The following ATAD3C variants were observed in gnomAD, a reference collection of about 807,000 sequenced individuals.
ATAD3C encodes ATPase family AAA domain-containing protein 3C.
In ATAD3C, 38 loss-of-function variants were observed where a neutral mutation model predicts 46.3. The observed-to-expected ratio is 0.82, with a 90% CI of 0.63 to 1.08. ATAD3C has a LOEUF of 1.08. ATAD3C is among the 50% of genes least tolerant of loss of function. The pLI, the probability that ATAD3C is intolerant of heterozygous loss-of-function variation, is 0.00. For synonymous variants in ATAD3C, 220 were observed against 236.4 expected, an observed-to-expected ratio of 0.93 and a Z score of 0.63; for missense variants, 563 against 572.7, an observed-to-expected ratio of 0.98 and a Z score of 0.17.
At chr1:1,464,126 G>C (rs145367788) in intron 11 of ATAD3C, among the ~76,000 whole-genome samples, 4,075 of 150,790 alleles carry the variant, frequency 0.027, 210 homozygotes, top group African/African-American at 0.094. Flanking sequence ...AGAATCGCTT[G>C]AACCCAGGAG....
chr1:1,462,496 G>T lies in ATAD3C; in HGVS notation c.981-104G>T. 2 of 1,179,260 alleles carry T rather than the reference G, an allele frequency of 1.7e-6. No homozygotes were observed. The highest frequency in any genetic ancestry group is 2.5e-6 in the Non-Finnish European group (2 of 815,864). The allele number at this position is 1,179,260 out of a possible 1,614,324, so 73.0% of individuals were successfully genotyped here. A position where few individuals can be genotyped will look rare whatever the true frequency, so the allele number is the denominator to read the frequency against. ...CACAGGTAGAGAGTCCCTCTCAAGG[G>T]GGCATCTGGCATGGGTGTCCGCCTG... On this transcript the variant is annotated intron_variant, in intron 10 of 11. Transcript: ENST00000378785. This position sits in a 1 kb window ranked among gnomAD's most constrained non-coding sequence, Gnocchi z 4.5.
chr1:1,454,223 C>G, intron 3 of ATAD3C, 122 bp from the exon 4 acceptor site: 1 of 1,428,634 alleles, frequency 7.0e-7, no homozygotes, highest in Non-Finnish European at 9.2e-7. Context: ...CCTGTGGGGC[C>G]AGCACACGGC....
At chr1:1,457,670 GTTT>G (rs2100481060) in intron 8 of ATAD3C, among the ~76,000 whole-genome samples, 1 of 150,302 alleles carries the variant, frequency 6.7e-6, no homozygotes, top group South Asian at 2.1e-4. Context: ...GCTTTTGAGT[GTTT>G]TTTGTTTTGT....
chr1:1,458,966 C>A (rs1001164978), intron 8 of ATAD3C, among the ~76,000 whole-genome samples, 195 bp from the exon 9 acceptor site: 14 of 151,828 alleles, frequency 9.2e-5, no homozygotes, highest in Admixed American at 1.3e-4. Context: ...TGTGATCTGC[C>A]TGCCTCAGCC....
Position 1,452,071 on chromosome 1 carries a change from A to G in ATAD3C, c.101A>G (p.Lys34Arg), listed in dbSNP as rs911023312. The G allele has an allele frequency of 2.5e-6, 4 of 1,613,582 alleles. No homozygotes were observed. The highest frequency in any genetic ancestry group is 1.7e-5 in the Admixed American group (1 of 59,968). ...LKQLVNEDLRKQEESVQKHHQ... is the reference protein window; with the variant it reads ...LKQLVNEDLRRQEESVQKHHQ... The stretch of plus-strand genomic sequence containing the variant: ...CAACTTGTCAATGAGGATTTACGGA[A>G]GCAGGAGGAGTCCGTGCAGAAGCAC... Residue 34 changes from lysine to arginine, a missense_variant, in exon 2 of 12, where the codon AAG becomes AGG. Physicochemically the swap from Lys to Arg is conservative, Grantham distance 26 (BLOSUM62 2). Transcript: ENST00000378785.
At chr1:1,453,933 G>C (rs1177847225) in intron 3 of ATAD3C, among the ~76,000 whole-genome samples, 1 of 151,998 alleles carries the variant, frequency 6.6e-6, no homozygotes, top group African/African-American at 2.4e-5. Context: ...GAGCTACTGT[G>C]CCCAGCCGGC....
At chr1:1,458,240 C>A (rs1638999789) in intron 8 of ATAD3C, among the ~76,000 whole-genome samples, 1 of 151,820 alleles carries the variant, frequency 6.6e-6, no homozygotes, top group African/African-American at 2.4e-5. Context: ...TGCTGCCTCC[C>A]AAAATGCTGG....
At position 1,462,855 on chromosome 1, in the gene ATAD3C, C is replaced by A. The variant is rs1639091491; in HGVS notation, c.1089+147C>A. The A allele has an allele frequency of 2.0e-6, 2 of 1,022,672 alleles. No individual in the cohort carries two copies. The highest frequency in any genetic ancestry group is 2.8e-6 in the Non-Finnish European group (2 of 708,618). The allele number at this position is 1,022,672 out of a possible 1,614,324, so 63.3% of individuals were successfully genotyped here. A position where few individuals can be genotyped will look rare whatever the true frequency, so the allele number is the denominator to read the frequency against. ...GCACAGATGTGACACGGGGCCCCTG[C>A]CCCAGTTGGGCCACTCCACGCAGCA... On this transcript the variant is annotated intron_variant, in intron 11 of 11. Coordinates refer to ENST00000378785, the MANE Select transcript of ATAD3C (RefSeq NM_001039211.3). The surrounding 1 kb of genome is among the most constrained non-coding windows in gnomAD (Gnocchi z 4.5).
intron 4 of ATAD3C, among the ~76,000 whole-genome samples, chr1:1,455,186 C>T (rs1329168293): frequency 1.5e-5 from 2 of 137,124 alleles, no homozygotes; most frequent in Non-Finnish European, 3.0e-5. Context: ...CACTGCACTC[C>T]AGCCTGGGCG....
chr1:1,464,347 T>C (rs1472419797), intron 11 of ATAD3C, among the ~76,000 whole-genome samples: 2 of 151,916 alleles, frequency 1.3e-5, no homozygotes, highest in Non-Finnish European at 2.9e-5. Flanking sequence ...TGTTCTTTGC[T>C]GGGTCCTCAT....
In ATAD3C at chr1:1,460,876, T is replaced by C. The variant is rs1479764673; in HGVS notation, c.939T>C (p.Tyr313=). ...AGCGGGCGCGCCTGGTGAGAATGTA[T>C]CTTAACGAGTATGTTCTTAAGCCGG... ...QEERARLVRM[Y]LNEYVLKPAT... is the part of the protein sequence containing the mutation. The change falls in exon 10 of 12, where the codon TAT becomes TAC. Residue 313 remains tyrosine (Y), a synonymous_variant. Transcript: ENST00000378785. 2 of 1,612,690 alleles carry C rather than the reference T, an allele frequency of 1.2e-6. No homozygotes were observed. The highest frequency in any genetic ancestry group is 1.3e-5 in the African/African-American group (1 of 74,964).
chr1:1,451,591 CT>C (rs1383000409), intron 1 of ATAD3C, among the ~76,000 whole-genome samples: 1 of 152,102 alleles, frequency 6.6e-6, no homozygotes, highest in Non-Finnish European at 1.5e-5. Flanking sequence ...AAGTGATCAC[CT>C]GCGTCGGCCT....
intron 8 of ATAD3C, among the ~76,000 whole-genome samples, chr1:1,458,170 G>A (rs1638998764): frequency 6.6e-6 from 1 of 151,514 alleles, no homozygotes; most frequent in Non-Finnish European, 1.5e-5. Context: ...TAGTAGAGAT[G>A]GGGTTTCACC....
chr1:1,466,478 G>A (rs1366096133), intron 11 of ATAD3C, among the ~76,000 whole-genome samples: 17 of 149,882 alleles, frequency 1.1e-4, no homozygotes, highest in African/African-American at 3.4e-4. Context: ...GCGTGAACCC[G>A]GGAGGTGGAG....
At chr1:1,454,536 T>G in intron 4 of ATAD3C, 36 bp downstream of exon 4, 1 of 1,591,128 alleles carries the variant, frequency 6.3e-7, no homozygotes, top group Non-Finnish European at 8.5e-7. Context: ...TGAGTGCAAG[T>G]GCCTGGCTGA....
chr1:1,453,258 G>A (rs771813476), intron 3 of ATAD3C, among the ~76,000 whole-genome samples: 29 of 152,056 alleles, frequency 1.9e-4, no homozygotes, highest in Non-Finnish European at 3.5e-4. Context: ...GCTGGAGTGC[G>A]GTGGCGCCAC....
At chr1:1,460,674 G>T in intron 9 of ATAD3C, 76 bp from the exon 10 acceptor site, 2 of 1,468,634 alleles carry the variant, frequency 1.4e-6, no homozygotes. Flanking sequence ...TCCTGAGGGG[G>T]CTGAGGAGCA....
chr1:1,453,060 C>T (rs548965614), intron 3 of ATAD3C, among the ~76,000 whole-genome samples: 1 of 152,172 alleles, frequency 6.6e-6, no homozygotes, highest in South Asian at 2.1e-4. Context: ...CTTGCTCTGC[C>T]GTGGTGCCAG....
intron 1 of ATAD3C, 29 bp from the exon 2 acceptor site, chr1:1,452,016 CT>C (rs1469238445): frequency 6.2e-7 from 1 of 1,612,448 alleles, no homozygotes; most frequent in South Asian, 1.1e-5. Flanking sequence ...GTTTTAAAGG[CT>C]TTTCTCTTTT....
Sources: allele counts gnomAD v4.1 joint callset (sites outside exome capture counted in the v4.1 genomes callset), GRCh38; gene constraint gnomAD v4.1.1; non-coding constraint Gnocchi (gnomAD v3.1); transcripts MANE v1.5; gene names NCBI Gene and HGNC (gene_info 2026-07-23, HGNC 2026-07-21).